Variants in FAM222B observed in about 807,000 individuals in gnomAD.
The protein encoded by FAM222B is family with sequence similarity 222 member B, also known as protein FAM222B.
Under a neutral mutation model 38.0 loss-of-function variants are expected in FAM222B, and 12 were observed. The ratio of observed to expected loss-of-function variants is 0.32; its 90% CI spans 0.20 to 0.51. The LOEUF (loss-of-function observed/expected upper bound fraction) is 0.51. Among genes scored for constraint, FAM222B ranks in the 20% least tolerant of loss-of-function variants. The pLI, the probability that FAM222B is intolerant of heterozygous loss-of-function variation, is 0.97. For synonymous variants in FAM222B, 329 were observed against 317.2 expected (o/e 1.04, Z -0.40); for missense variants, 716 against 754.2 (o/e 0.95, Z 0.59).
intron 1 of FAM222B, among the ~76,000 whole-genome samples, chr17:28,806,151 TA>T (rs879586183): frequency 2.7e-3 from 378 of 140,906 alleles, no homozygotes; most frequent in Middle Eastern, 3.6e-3. Context: ...AAACTCCAAC[TA>T]AAAAAAAAAA....
chr17:28,777,893 A>T (rs1459641528), intron 1 of FAM222B, among the ~76,000 whole-genome samples: 3 of 151,132 alleles, frequency 2.0e-5, no homozygotes, highest in Non-Finnish European at 2.9e-5. Flanking sequence ...GGTTCAGGTG[A>T]TCCTCCAACT....
chr17:28,819,183 T>G (rs753400114), intron 1 of FAM222B, among the ~76,000 whole-genome samples: 56 of 152,212 alleles, frequency 3.7e-4, no homozygotes, highest in Admixed American at 5.9e-4. Context: ...ATAAAACAAT[T>G]TAACCAAACA....
intron 1 of FAM222B, among the ~76,000 whole-genome samples, chr17:28,813,169 CAT>C (rs1046880522): frequency 5.7e-5 from 8 of 139,550 alleles, no homozygotes; most frequent in Non-Finnish European, 1.2e-4. Flanking sequence ...AAAAAACACA[CAT>C]AGTTGGCTCC....
At chr17:28,836,481 A>G (rs2038849362) in intron 1 of FAM222B, among the ~76,000 whole-genome samples, 1 of 152,054 alleles carries the variant, frequency 6.6e-6, no homozygotes, top group Non-Finnish European at 1.5e-5. Flanking sequence ...GAAGGGCTTT[A>G]TTCGGCCGGG....
intron 1 of FAM222B, among the ~76,000 whole-genome samples, chr17:28,828,095 ATTTTTTTTTTTTT>A (rs528492764): frequency 9.4e-5 from 7 of 74,692 alleles, no homozygotes; most frequent in Admixed American, 3.3e-4. Context: ...ATCAAATCCA[ATTTTTTTTTTTTT>A]TTTTTTTTTT....
At chr17:28,765,317 A>T (rs2035277794) in intron 2 of FAM222B, among the ~76,000 whole-genome samples, 1 of 152,170 alleles carries the variant, frequency 6.6e-6, no homozygotes, top group African/African-American at 2.4e-5. Context: ...GTTTTTTTGT[A>T]AAAAAGTTTC....
chr17:28,845,034 G>A (rs1274748863), upstream of FAM222B, among the ~76,000 whole-genome samples: 3 of 151,478 alleles, frequency 2.0e-5, no homozygotes, highest in Non-Finnish European at 4.4e-5. Flanking sequence ...ACCCAGGAAC[G>A]GAGGTTACAA....
chr17:28,828,163 T>C (rs2038510480), intron 1 of FAM222B, among the ~76,000 whole-genome samples: 1 of 127,670 alleles, frequency 7.8e-6, no homozygotes, highest in African/African-American at 3.1e-5. Context: ...CAGGCTGGAG[T>C]GCAATGGTGC....
At chr17:28,811,169 G>A (rs755612691) in intron 1 of FAM222B, among the ~76,000 whole-genome samples, 8 of 152,260 alleles carry the variant, frequency 5.3e-5, no homozygotes, top group Non-Finnish European at 7.4e-5. Flanking sequence ...GGCCAGGCGC[G>A]GTGGCTCACG....
In FAM222B at chr17:28,758,382, AAGCAGG is replaced by A. The variant is rs771907344; in HGVS notation, c.1571_1576del (p.Ala524_Phe526delinsVal). 6.2e-7 allele frequency: 1 copy of A among 1,613,642 alleles called. No homozygotes were observed. Among genetic ancestry groups the A allele is most frequent in the South Asian group, 1.1e-5 (1 of 91,054 alleles). The stretch of plus-strand genomic sequence containing the variant: ...CAGCATGGCCAGGCTCTGTTCTCGG[AAGCAGG>A]CCTGTTGGAAATCCCCACTTAGGTA... On this transcript the variant is annotated inframe_deletion, in exon 3 of 3. Coordinates refer to ENST00000581407, the MANE Select transcript of FAM222B (RefSeq NM_001077498.3).
At chr17:28,778,839 T>C (rs948977078) in intron 1 of FAM222B, among the ~76,000 whole-genome samples, 3 of 148,574 alleles carry the variant, frequency 2.0e-5, no homozygotes, top group Admixed American at 6.8e-5. Context: ...GCTGGGATTA[T>C]AGGTGTGAAC....
upstream of FAM222B, among the ~76,000 whole-genome samples, chr17:28,843,252 C>T (rs1268471678): frequency 6.6e-6 from 1 of 151,536 alleles, no homozygotes; most frequent in Non-Finnish European, 1.5e-5. Context: ...ATTCTCCTGC[C>T]TCAGCCTCCC....
chr17:28,786,613 C>T (rs562350019), intron 1 of FAM222B, among the ~76,000 whole-genome samples: 1 of 152,238 alleles, frequency 6.6e-6, no homozygotes, highest in African/African-American at 2.4e-5. Flanking sequence ...TGTGCTGTGA[C>T]ATCTTTTGGA....
chr17:28,805,002 C>T (rs931506759), intron 1 of FAM222B, among the ~76,000 whole-genome samples: 1 of 151,230 alleles, frequency 6.6e-6, no homozygotes, highest in Non-Finnish European at 1.5e-5. Context: ...GCCGAGATCA[C>T]GCCACTGCAC....
rs2034821486 is a variant in FAM222B, at chr17:28,758,369, G to A, written c.1590C>T (p.Ser530=). The A allele has an allele frequency of 1.2e-6, 2 of 1,613,778 alleles. No homozygotes were observed. The highest frequency in any genetic ancestry group is 1.7e-5 in the Admixed American group (1 of 59,990). The change falls in exon 3 of 3, where the codon AGC becomes AGT. Residue 530 remains serine (S), a synonymous_variant. Coordinates refer to ENST00000581407, the MANE Select transcript of FAM222B (RefSeq NM_001077498.3). ...DFQQACFREQ[S]LAMLSKAHRA... is the part of the protein sequence containing the mutation. The stretch of plus-strand genomic sequence containing the variant: ...GGTGGGCCTTGCTCAGCATGGCCAG[G>A]CTCTGTTCTCGGAAGCAGGCCTGTT...
At chr17:28,846,511 A>T (rs2039147129), upstream of FAM222B, among the ~76,000 whole-genome samples, 1 of 151,836 alleles carries the variant, frequency 6.6e-6, no homozygotes, top group South Asian at 2.1e-4. Flanking sequence ...CAAAAAAATT[A>T]CCAAAAAATT....
chr17:28,853,247 A>G (rs992300935), intron 1 of FAM222B, among the ~76,000 whole-genome samples: 1 of 151,584 alleles, frequency 6.6e-6, no homozygotes, highest in Admixed American at 6.6e-5. Flanking sequence ...GTCTGTAGTC[A>G]CAGCTACTAG....
At chr17:28,831,503 G>A (rs1002075843) in intron 1 of FAM222B, among the ~76,000 whole-genome samples, 28 of 135,738 alleles carry the variant, frequency 2.1e-4, no homozygotes, top group Non-Finnish European at 6.3e-5. Flanking sequence ...CTTGTCAAAG[G>A]CTTTTTTTTT....
chr17:28,788,672 A>G (rs2036526968), intron 1 of FAM222B, among the ~76,000 whole-genome samples: 1 of 152,188 alleles, frequency 6.6e-6, no homozygotes, highest in African/African-American at 2.4e-5. Context: ...CGGGGAGGAA[A>G]AATCCAATAA....
Sources: allele counts gnomAD v4.1 joint callset (sites outside exome capture counted in the v4.1 genomes callset), GRCh38; gene constraint gnomAD v4.1.1; transcripts MANE v1.5; gene names NCBI Gene and HGNC (gene_info 2026-07-23, HGNC 2026-07-21).